KIF3C: variants seen among roughly 807,000 people sequenced by gnomAD.
The protein encoded by KIF3C is kinesin family member 3C.
In KIF3C, 12 loss-of-function variants were observed where a neutral mutation model predicts 67.7. The ratio of observed to expected loss-of-function variants is 0.18; its 90% CI spans 0.11 to 0.29. The LOEUF (loss-of-function observed/expected upper bound fraction) is 0.29, where lower values mean the gene tolerates loss of function less well. Ranked by LOEUF, KIF3C falls within the 10% of genes least tolerant of loss-of-function variation. The pLI, the probability that KIF3C is intolerant of heterozygous loss-of-function variation, is 1.00. For synonymous variants in KIF3C, 393 were observed against 426.2 expected, an observed-to-expected ratio of 0.92 and a Z score of 0.96; for missense variants, 789 against 1,059.6, an observed-to-expected ratio of 0.74 and a Z score of 3.55.
chr2:25,929,104 G>A (rs1201792528), intron 7 of KIF3C, 33 bp from the exon 8 acceptor site: 1 of 1,584,608 alleles, frequency 6.3e-7, no homozygotes, highest in Non-Finnish European at 8.7e-7. Context: ...GAAAGGGGAG[G>A]TTAGGGAAAT....
intron 1 of KIF3C, among the ~76,000 whole-genome samples, chr2:25,973,553 CAAA>C (rs5829988): frequency 5.4e-4 from 58 of 106,814 alleles, no homozygotes; most frequent in Admixed American, 9.9e-4. Context: ...GACTCTGTCT[CAAA>C]AAAAAAAAAA....
intron 1 of KIF3C, among the ~76,000 whole-genome samples, chr2:25,975,613 C>T (rs6747729): frequency 0.13 from 19,997 of 152,050 alleles, 1,442 homozygotes; most frequent in African/African-American, 0.18. Context: ...AACCATGTGG[C>T]CTTGGGAGAG....
At chr2:25,943,886 A>T (rs1663358981) in intron 5 of KIF3C, among the ~76,000 whole-genome samples, 3 of 151,922 alleles carry the variant, frequency 2.0e-5, no homozygotes, top group African/African-American at 7.2e-5. Context: ...AAATCCTAGA[A>T]CCATTTTTTA....
In KIF3C at chr2:25,951,887, G is replaced by A. The variant is rs372189638; in HGVS notation, c.1908C>T (p.Asn636=). ...ELKLKYLIIE[N]FIPPEEKNKI... ...TGTTCTTCTCCTCCGGCGGGATGAA[G>A]TTCTCGATGATTAGGTACCTGGGAG... Residue 636 remains asparagine, a synonymous_variant, in exon 5 of 8, where the codon AAC becomes AAT. Transcript: ENST00000264712. The A allele has an allele frequency of 1.3e-4, 211 of 1,613,446 alleles. No individual in the cohort carries two copies. In the African/African-American group the frequency reaches 1.7e-3, roughly 13 times the overall value.
At chr2:25,954,567 A>C (rs1663757025) in intron 3 of KIF3C, among the ~76,000 whole-genome samples, 182 bp from the exon 4 acceptor site, 1 of 152,114 alleles carries the variant, frequency 6.6e-6, no homozygotes, top group Non-Finnish European at 1.5e-5. Context: ...GGCTATTTAA[A>C]GTGGTGCCCC....
chr2:25,935,886 G>A (rs1663095965), intron 5 of KIF3C, among the ~76,000 whole-genome samples: 1 of 151,336 alleles, frequency 6.6e-6, no homozygotes, highest in Non-Finnish European at 1.5e-5. Flanking sequence ...GACCATCCTG[G>A]CTAACACGGT....
chr2:25,980,689 C>A lies in KIF3C; in HGVS notation c.1229G>T (p.Arg410Leu). Residue 410 changes from arginine to leucine, a missense_variant, in exon 1 of 8, where the codon CGC (arginine) becomes CTC (leucine). By Grantham distance (102) the Arg-to-Leu change is moderately radical. This residue lies in a region of KIF3C where 648 missense variants were observed against 807.8 expected (regional missense o/e 0.80). Coordinates refer to ENST00000264712, the MANE Select transcript of KIF3C (RefSeq NM_002254.8). The surrounding 1 kb of genome is among the most constrained non-coding windows in gnomAD (Gnocchi z 7.6). ...CGGGGCGGACACGGCCTTCTTCCTG[C>A]GGCTGCTCTTCCTCCGGGGCCGCTT... is the stretch of plus-strand genomic sequence containing the variant. ...LGKRPRRKSS[R>L]RKKAVSAPPG... 2 of 1,614,116 alleles carry A rather than the reference C, an allele frequency of 1.2e-6. No homozygotes were observed. The highest frequency in any genetic ancestry group is 2.2e-5 in the East Asian group (1 of 44,872).
chr2:25,930,694 C>T (rs1274470835), intron 5 of KIF3C, among the ~76,000 whole-genome samples: 5 of 152,216 alleles, frequency 3.3e-5, no homozygotes, highest in African/African-American at 7.2e-5. Flanking sequence ...TGTGGCACCA[C>T]GCCTGGCTAA....
intron 6 of KIF3C, 129 bp downstream of exon 6, chr2:25,929,826 G>C (rs1478156551): frequency 1.9e-5 from 13 of 680,408 alleles, no homozygotes; most frequent in Non-Finnish European, 2.9e-5. Flanking sequence ...ATGTTAACCA[G>C]GCTGGTCTCG....
At chr2:25,930,191 T>C (rs2149220643) in intron 5 of KIF3C, 128 bp from the exon 6 acceptor site, 2 of 701,726 alleles carry the variant, frequency 2.9e-6, no homozygotes, top group South Asian at 1.7e-5. Flanking sequence ...AATTTTCTTC[T>C]CCTTGCTCTA....
chr2:25,954,383 G>C lies in KIF3C; in HGVS notation c.1773C>G (p.Leu591=). The C allele has an allele frequency of 6.2e-7, 1 of 1,612,716 alleles. No individual in the cohort carries two copies. Among genetic ancestry groups the C allele is most frequent in the African/African-American group, 1.3e-5 (1 of 75,034 alleles). ...VEVKTKKLKK[L]YAKLQAVKAE... ...CCTTCACCGCCTGCAGCTTGGCGTA[G>C]AGCTGGGTGGGGACAGGTGCCACTC... Residue 591 remains leucine, a splice_region_variant and synonymous_variant, in exon 4 of 8, where the codon CTC becomes CTG. Transcript: ENST00000264712.
chr2:25,933,786 C>T (rs2384298), intron 5 of KIF3C, among the ~76,000 whole-genome samples: 83,399 of 151,654 alleles, frequency 0.55, 26,145 homozygotes, highest in Non-Finnish European at 0.73. Flanking sequence ...AAAATGAAAC[C>T]CTCATACACT....
chr2:25,978,651 A>C (rs1664479271), intron 1 of KIF3C, among the ~76,000 whole-genome samples: 1 of 150,928 alleles, frequency 6.6e-6, no homozygotes, highest in African/African-American at 2.5e-5. Flanking sequence ...GAAACTGGTC[A>C]GTTCCCAACA....
At chr2:25,934,558 A>G (rs1307843162) in intron 5 of KIF3C, among the ~76,000 whole-genome samples, 1 of 151,272 alleles carries the variant, frequency 6.6e-6, no homozygotes, top group East Asian at 2.0e-4. Context: ...CCAGCCTGGG[A>G]GACAGAGCGA....
intron 1 of KIF3C, among the ~76,000 whole-genome samples, chr2:25,975,213 T>C (rs1574498206): frequency 6.6e-6 from 1 of 151,878 alleles, no homozygotes; most frequent in Non-Finnish European, 1.5e-5. Context: ...CAGGCTGGAG[T>C]GCAATGGTGC....
rs766612175 is a variant in KIF3C, at chr2:25,980,647, C to A, written c.1271G>T (p.Gly424Val). 133 of 1,613,920 alleles carry A rather than the reference C, an allele frequency of 8.2e-5. No individual in the cohort carries two copies. The highest frequency in any genetic ancestry group is 1.1e-4 in the Non-Finnish European group (128 of 1,180,052). ...AVSAPPGYPE[G>V]PVIEAWVAEE... ...TGCCACCCAGGCCTCAATCACTGGG[C>A]CCTCAGGGTACCCAGGCGGGGCGGA... Residue 424 changes from glycine (G) to valine (V), a missense_variant, in exon 1 of 8, where the codon GGC becomes GTC. Physicochemically the swap from Gly to Val is moderately radical, Grantham distance 109. Coordinates refer to ENST00000264712, the MANE Select transcript of KIF3C (RefSeq NM_002254.8). This position sits in a 1 kb window ranked among gnomAD's most constrained non-coding sequence, Gnocchi z 7.6.
At position 25,982,104 on chromosome 2, in the gene KIF3C, C is replaced by A. The variant is rs1664613006; in HGVS notation, c.-187G>T. The A allele has an allele frequency of 1.1e-5, 6 of 537,568 alleles. No homozygotes were observed. The South Asian group carries it at 1.4e-4, about 12-fold the overall frequency. The allele number at this position is 537,568 out of a possible 1,614,324, so 33.3% of individuals were successfully genotyped here. On this transcript the variant is annotated 5_prime_UTR_variant, in exon 1 of 8. Coordinates refer to ENST00000264712, the MANE Select transcript of KIF3C (RefSeq NM_002254.8). ...ACGCTGCTGCAGTCCGGGCCTCCAC[C>A]GCTCTCCGGTCCTCTCTGCACCGGC...
In KIF3C at chr2:25,980,430, C is replaced by G. The variant is rs756033226; in HGVS notation, c.1488G>C (p.Met496Ile). Residue 496 changes from methionine to isoleucine, a missense_variant, in exon 1 of 8, where the codon ATG becomes ATC. Met to Ile is a conservative substitution (Grantham distance 10). Around this residue, in one of 2 missense-constraint regions of KIF3C, gnomAD observed 648 missense variants for 807.8 expected, o/e 0.80. Transcript: ENST00000264712. The surrounding 1 kb of genome is among the most constrained non-coding windows in gnomAD (Gnocchi z 7.6). ...GCTGTTCCCGCCGCAGGTCCTCCAG[C>G]ATCTTCTCCTTCTCCTCCAGCAGCT... The part of the protein sequence containing the change: ...KQKLLEEKEK[M>I]LEDLRREQQA... 1.9e-6 allele frequency: 3 copies of G among 1,614,014 alleles called. No homozygotes were observed. The highest frequency in any genetic ancestry group is 1.7e-6 in the Non-Finnish European group (2 of 1,180,034).
Position 25,981,384 on chromosome 2 carries a change from C to T in KIF3C, c.534G>A (p.Lys178=). 6.2e-7 allele frequency: 1 copy of T among 1,614,186 alleles called. No individual in the cohort carries two copies. The highest frequency in any genetic ancestry group is 8.5e-7 in the Non-Finnish European group (1 of 1,180,034). ...TCTTGGTGACGAAGGAGGAGAGGTCCTTGATGTAGACGCCAGTCTCGGGGT... is the reference window on the plus strand; with the variant it reads ...TCTTGGTGACGAAGGAGGAGAGGTCTTTGATGTAGACGCCAGTCTCGGGGT... The part of the protein sequence containing the change: ...KENPETGVYI[K]DLSSFVTKNV... Residue 178 remains lysine, a synonymous_variant, in exon 1 of 8, where the codon AAG becomes AAA. Transcript: ENST00000264712. This position sits in a 1 kb window ranked among gnomAD's most constrained non-coding sequence, Gnocchi z 8.2.
Sources: allele counts gnomAD v4.1 joint callset (sites outside exome capture counted in the v4.1 genomes callset), GRCh38; gene constraint gnomAD v4.1.1; regional missense constraint gnomAD v4.1.1; non-coding constraint Gnocchi (gnomAD v3.1); transcripts MANE v1.5; gene names NCBI Gene and HGNC (gene_info 2026-07-23, HGNC 2026-07-21).